The following ASIC2 variants were observed in gnomAD, a reference collection of about 807,000 sequenced individuals.
ASIC2 encodes acid-sensing ion channel 2.
Under a neutral mutation model 57.3 loss-of-function variants are expected in ASIC2, and 25 were observed. That is an observed-to-expected ratio of 0.44 (90% CI 0.32 to 0.61). The LOEUF (loss-of-function observed/expected upper bound fraction) is 0.61, where lower values mean the gene tolerates loss of function less well. ASIC2 is among the 20% of genes least tolerant of loss of function. ASIC2 has a pLI of 0.06. For synonymous variants in ASIC2, 319 were observed against 307.5 expected, an observed-to-expected ratio of 1.04 and a Z score of -0.39; for missense variants, 641 against 738.1, an observed-to-expected ratio of 0.87 and a Z score of 1.52.
intron 1 of ASIC2, among the ~76,000 whole-genome samples, chr17:33,755,043 A>G (rs543881377): frequency 6.6e-6 from 1 of 150,434 alleles, no homozygotes; most frequent in Non-Finnish European, 1.5e-5. Flanking sequence ...TGCTGATGGG[A>G]TTAAGTTAAA....
chr17:33,415,096 G>A (rs776870464), intron 1 of ASIC2, among the ~76,000 whole-genome samples: 84 of 152,246 alleles, frequency 5.5e-4, no homozygotes, highest in Non-Finnish European at 9.6e-4. Flanking sequence ...CTTCCCTTTG[G>A]CTGCACTGAT....
At position 33,169,910 on chromosome 17, in the gene ASIC2, G is replaced by A. The variant is rs142176078; in HGVS notation, c.709-57843C>T. On this transcript the variant is annotated intron_variant, in intron 1 of 9. Coordinates refer to ENST00000225823, the MANE Select transcript of ASIC2 (RefSeq NM_183377.2). Reference sequence around the variant, plus strand: ...AACACCTTTAGGAATGATATTCTTTGTAGCCTTGGGTGGGCCTCTCGGGTG... The same window carrying A: ...AACACCTTTAGGAATGATATTCTTTATAGCCTTGGGTGGGCCTCTCGGGTG... Among the ~76,000 whole-genome samples the A allele has an allele frequency of 2.0e-5, 3 of 152,238 alleles. No homozygotes were observed. The East Asian group carries it at 5.8e-4, about 29-fold the overall frequency.
intron 1 of ASIC2, among the ~76,000 whole-genome samples, chr17:33,164,530 A>G (rs1905250209): frequency 1.3e-5 from 2 of 151,750 alleles, no homozygotes; most frequent in African/African-American, 4.8e-5. Flanking sequence ...AGGGGTAGAG[A>G]GCTCACCAGG....
chr17:33,852,862 A>C (rs2141917062), intron 1 of ASIC2, among the ~76,000 whole-genome samples: 1 of 152,194 alleles, frequency 6.6e-6, no homozygotes, highest in South Asian at 2.1e-4. Flanking sequence ...TAAATGGGCC[A>C]CCACCTCCAT....
intron 1 of ASIC2, among the ~76,000 whole-genome samples, chr17:33,515,431 A>G (rs1597759391): frequency 1.3e-5 from 2 of 152,298 alleles, no homozygotes; most frequent in Non-Finnish European, 2.9e-5. Flanking sequence ...TCCATGGCCT[A>G]TGGGTATTTC....
intron 1 of ASIC2, among the ~76,000 whole-genome samples, chr17:33,861,455 T>C (rs1267144296): frequency 1.3e-5 from 2 of 152,234 alleles, no homozygotes; most frequent in African/African-American, 4.8e-5. Flanking sequence ...GACCAAAGGC[T>C]ATTATTCCCA....
At chr17:33,778,174 G>T (rs1421313606) in intron 1 of ASIC2, among the ~76,000 whole-genome samples, 1 of 152,144 alleles carries the variant, frequency 6.6e-6, no homozygotes, top group African/African-American at 2.4e-5. Context: ...TCCTGTCTGA[G>T]ATCTCAGGGG....
At chr17:33,303,631 A>G (rs1199181509) in intron 1 of ASIC2, among the ~76,000 whole-genome samples, 1 of 150,750 alleles carries the variant, frequency 6.6e-6, no homozygotes, top group African/African-American at 2.4e-5. Context: ...TCTCCCTCTC[A>G]CTTTTCTCTT....
chr17:33,543,193 G>A (rs941963523), intron 1 of ASIC2, among the ~76,000 whole-genome samples: 2 of 150,088 alleles, frequency 1.3e-5, no homozygotes, highest in Non-Finnish European at 3.0e-5. Flanking sequence ...GCTAGATGAC[G>A]AGTTAGTGGG....
chr17:33,837,534 G>A (rs553130957), intron 1 of ASIC2, among the ~76,000 whole-genome samples: 4 of 152,190 alleles, frequency 2.6e-5, no homozygotes, highest in African/African-American at 9.6e-5. Context: ...TCTCCTAAAT[G>A]TGCTAATTAA....
intron 1 of ASIC2, chr17:34,036,933 A>G (rs1330326658): frequency 2.6e-5 from 4 of 152,508 alleles, no homozygotes; most frequent in Non-Finnish European, 5.9e-5. Context: ...AGGAGACCAG[A>G]CGAAGGAGAA....
intron 1 of ASIC2, among the ~76,000 whole-genome samples, chr17:33,238,347 G>A (rs1908374892): frequency 6.6e-6 from 1 of 152,206 alleles, no homozygotes; most frequent in Non-Finnish European, 1.5e-5. Context: ...TGGCAGTGTG[G>A]CCCAGAGCAA....
At chr17:33,923,426 A>G (rs1171168648) in intron 1 of ASIC2, among the ~76,000 whole-genome samples, 1 of 152,204 alleles carries the variant, frequency 6.6e-6, no homozygotes, top group African/African-American at 2.4e-5. Context: ...CATTTTACAG[A>G]TGGAAATAAA....
At chr17:34,020,415 G>A (rs906328112) in intron 1 of ASIC2, among the ~76,000 whole-genome samples, 1 of 152,148 alleles carries the variant, frequency 6.6e-6, no homozygotes, top group African/African-American at 2.4e-5. Flanking sequence ...GGCTGAGTTG[G>A]GCTCTGGTGG....
intron 1 of ASIC2, chr17:33,955,047 G>A (rs902217604): frequency 2.0e-5 from 3 of 152,182 alleles, no homozygotes; most frequent in African/African-American, 7.2e-5. Context: ...TTGCATCAAA[G>A]GTAGGTAGGT....
chr17:33,705,494 G>T (rs748618838), intron 1 of ASIC2, among the ~76,000 whole-genome samples: 1 of 152,108 alleles, frequency 6.6e-6, no homozygotes, highest in East Asian at 1.9e-4. Flanking sequence ...AATTATTCAG[G>T]TGGGCCCTAA....
intron 3 of ASIC2, among the ~76,000 whole-genome samples, chr17:33,034,219 A>G (rs1448209228): frequency 6.6e-6 from 1 of 152,126 alleles, no homozygotes; most frequent in Non-Finnish European, 1.5e-5. Context: ...ACTTGTCTGC[A>G]TCCTTCATTC....
intron 1 of ASIC2, among the ~76,000 whole-genome samples, chr17:33,733,481 G>A (rs1909810395): frequency 6.6e-6 from 1 of 152,186 alleles, no homozygotes; most frequent in Admixed American, 6.5e-5. Flanking sequence ...CTGAAAGGGA[G>A]GAGACGGAGA....
At chr17:33,833,494 CTGTGTG>C (rs1203783050) in intron 1 of ASIC2, among the ~76,000 whole-genome samples, 1 of 150,888 alleles carries the variant, frequency 6.6e-6, no homozygotes, top group Admixed American at 6.6e-5. Context: ...TTCTCTTTGT[CTGTGTG>C]TGTGTGTATG....
Sources: allele counts gnomAD v4.1 joint callset (sites outside exome capture counted in the v4.1 genomes callset), GRCh38; gene constraint gnomAD v4.1.1; transcripts MANE v1.5; gene names NCBI Gene and HGNC (gene_info 2026-07-23, HGNC 2026-07-21).